PDE4D: variants seen among roughly 807,000 people sequenced by gnomAD.
PDE4D encodes phosphodiesterase 4D.
In PDE4D, 24 loss-of-function variants were observed where a neutral mutation model predicts 87.4. The ratio of observed to expected loss-of-function variants is 0.27; its 90% CI spans 0.20 to 0.39. The LOEUF (loss-of-function observed/expected upper bound fraction) is 0.39, where lower values mean the gene tolerates loss of function less well. PDE4D is among the 10% of genes least tolerant of loss of function. The pLI is 1.00. For missense variants in PDE4D, 714 were observed against 1,041.0 expected (o/e 0.69, Z 4.32); for synonymous variants, 384 against 383.2 (o/e 1.00, Z -0.02).
intron 1 of PDE4D, among the ~76,000 whole-genome samples, chr5:60,209,472 A>G (rs577239537): frequency 3.9e-5 from 6 of 152,296 alleles, no homozygotes; most frequent in African/African-American, 1.2e-4. Flanking sequence ...CAACACTTCA[A>G]TCCAGCAAAG....
exon 3 of PDE4D, chr5:59,988,510 T>G (rs750796519): frequency 1.3e-6 from 2 of 1,598,300 alleles, no homozygotes; most frequent in Non-Finnish European, 1.7e-6. Flanking sequence ...GCAGAAGTGA[T>G]AGCAATCAGC....
intron 2 of PDE4D, among the ~76,000 whole-genome samples, chr5:59,207,856 G>GGT (rs1749151274): frequency 6.7e-6 from 1 of 148,988 alleles, no homozygotes; most frequent in African/African-American, 2.5e-5. Flanking sequence ...GATTTTTAGA[G>GGT]TTTTTTTTTT....
intron 1 of PDE4D, among the ~76,000 whole-genome samples, chr5:60,477,612 T>G (rs1464702801): frequency 6.6e-6 from 1 of 152,174 alleles, no homozygotes; most frequent in Non-Finnish European, 1.5e-5. Context: ...ATGCACACTT[T>G]GACTCATAAC....
chr5:59,978,546 G>A (rs568233953), intron 3 of PDE4D, among the ~76,000 whole-genome samples: 18 of 152,308 alleles, frequency 1.2e-4, no homozygotes, highest in African/African-American at 4.1e-4. Flanking sequence ...GGTTTCTTGA[G>A]ACAGAATCTA....
At chr5:59,314,561 A>AG (rs1773315935) in intron 1 of PDE4D, 1 of 152,182 alleles carries the variant, frequency 6.6e-6, no homozygotes, top group Non-Finnish European at 1.5e-5. Context: ...GACTAGCTCT[A>AG]GATTACCTCC....
chr5:59,569,440 A>G (rs1821460429), intron 1 of PDE4D, among the ~76,000 whole-genome samples: 2 of 152,240 alleles, frequency 1.3e-5, no homozygotes, highest in Admixed American at 1.3e-4. Context: ...GGCAAAAAGT[A>G]CGACATATAA....
chr5:59,088,031 G>A (rs1000042019), intron 5 of PDE4D, among the ~76,000 whole-genome samples: 1 of 152,166 alleles, frequency 6.6e-6, no homozygotes, highest in Non-Finnish European at 1.5e-5. Flanking sequence ...CTACTTTAAA[G>A]TCTTCAAGCC....
At chr5:60,260,838 T>C (rs1749573930) in intron 1 of PDE4D, among the ~76,000 whole-genome samples, 1 of 152,086 alleles carries the variant, frequency 6.6e-6, no homozygotes, top group Non-Finnish European at 1.5e-5. Flanking sequence ...AAAAACAGGA[T>C]AGATTAACAT....
intron 1 of PDE4D, among the ~76,000 whole-genome samples, chr5:59,376,760 C>T (rs1784799840): frequency 6.6e-6 from 1 of 152,100 alleles, no homozygotes; most frequent in Non-Finnish European, 1.5e-5. Flanking sequence ...AAGCTAGAGG[C>T]ATCATGCCAC....
chr5:59,845,106 G>A (rs567571352), intron 1 of PDE4D, among the ~76,000 whole-genome samples: 1 of 152,180 alleles, frequency 6.6e-6, no homozygotes, highest in East Asian at 1.9e-4. Flanking sequence ...GAGCTTGAAA[G>A]AGGACCCTGA....
chr5:59,552,394 G>A (rs982723891), intron 1 of PDE4D, among the ~76,000 whole-genome samples: 2 of 151,998 alleles, frequency 1.3e-5, no homozygotes, highest in East Asian at 3.9e-4. Flanking sequence ...TACCCACATA[G>A]CTATAAAGTC....
chr5:59,766,255 A>C (rs917799925), intron 1 of PDE4D, among the ~76,000 whole-genome samples: 1 of 152,204 alleles, frequency 6.6e-6, no homozygotes, highest in Non-Finnish European at 1.5e-5. Context: ...GTTTTAGTCC[A>C]TAGGGGAAAC....
At chr5:59,010,869 G>C (rs898962910) in intron 6 of PDE4D, among the ~76,000 whole-genome samples, 3 of 152,126 alleles carry the variant, frequency 2.0e-5, no homozygotes, top group African/African-American at 7.2e-5. Context: ...CCCCCGAGTA[G>C]CCTAACTGGG....
intron 1 of PDE4D, among the ~76,000 whole-genome samples, chr5:60,271,669 C>T (rs2149724724): frequency 6.6e-6 from 1 of 152,264 alleles, no homozygotes; most frequent in Admixed American, 6.5e-5. Context: ...ATCTGGTTTT[C>T]AGATAAGACA....
intron 1 of PDE4D, among the ~76,000 whole-genome samples, chr5:59,317,055 C>T (rs1773883247): frequency 6.6e-6 from 1 of 152,194 alleles, no homozygotes; most frequent in African/African-American, 2.4e-5. Flanking sequence ...CTGCAGCTGT[C>T]AATCCAGGCT....
At chr5:59,903,528 C>T (rs532251374) in intron 3 of PDE4D, among the ~76,000 whole-genome samples, 42 of 152,112 alleles carry the variant, frequency 2.8e-4, no homozygotes, top group South Asian at 6.2e-4. Context: ...AAGGTAATTG[C>T]GATTTTTGTG....
chr5:59,586,042 T>G (rs1175312359), intron 1 of PDE4D, among the ~76,000 whole-genome samples: 1 of 152,196 alleles, frequency 6.6e-6, no homozygotes, highest in East Asian at 1.9e-4. Flanking sequence ...TTAAAAAAAT[T>G]TATTAAATTG....
At chr5:59,608,020 C>T (rs1294305035) in intron 1 of PDE4D, among the ~76,000 whole-genome samples, 7 of 152,098 alleles carry the variant, frequency 4.6e-5, no homozygotes, top group African/African-American at 1.7e-4. Context: ...ATAAACCTCT[C>T]TACTTGTGCT....
intron 1 of PDE4D, among the ~76,000 whole-genome samples, chr5:59,875,460 C>CAAAAAAAAAAAAA (rs3062667): frequency 2.5e-4 from 10 of 39,694 alleles, no homozygotes; most frequent in Admixed American, 8.6e-4. Context: ...ACCTCCGTCT[C>CAAAAAAAAAAAAA]AAAAAAAAAA....
Sources: gnomAD v4.1 joint callset for allele counts (sites outside exome capture counted in the v4.1 genomes callset) on GRCh38, gnomAD v4.1.1 for gene constraint, MANE v1.5 for transcripts, NCBI Gene and HGNC (gene_info 2026-07-23, HGNC 2026-07-21) for gene names.